ISX: variants seen among roughly 807,000 people sequenced by gnomAD.
ISX encodes the protein intestine specific homeobox.
A neutral mutation model predicts 16.9 loss-of-function variants in ISX; 15 were observed. That is an observed-to-expected ratio of 0.89 (90% CI 0.59 to 1.36). ISX has a LOEUF of 1.36. Among genes scored for constraint, ISX ranks in the 40% most tolerant of loss-of-function variants. The pLI is 0.00. For missense variants in ISX, 316 were observed against 306.1 expected (o/e 1.03, Z -0.24); for synonymous variants, 125 against 119.7 (o/e 1.04, Z -0.29).
intron 4 of ISX, 123 bp downstream of exon 4, chr22:35,084,622 A>G (rs1601562427): frequency 5.0e-6 from 3 of 602,568 alleles, no homozygotes; most frequent in Non-Finnish European, 8.6e-6. Context: ...AAGGAAAATT[A>G]TATTAGAAAC....
At chr22:35,078,433 C>A (rs191890929) in intron 2 of ISX, among the ~76,000 whole-genome samples, 2 of 151,902 alleles carry the variant, frequency 1.3e-5, no homozygotes, top group Admixed American at 6.6e-5. Flanking sequence ...TTAAACACAA[C>A]ACCAGCTCTA....
In ISX at chr22:35,086,085, C is replaced by T; in HGVS notation, c.*392C>T. ...CTGGATAAGATGATTTCTGAAGACG[C>T]TTCCATGGTGGGCACTGAGGCACAG... On this transcript the variant is annotated 3_prime_UTR_variant, in exon 5 of 5. Coordinates refer to ENST00000404699, the MANE Select transcript of ISX (RefSeq NM_001303508.2). The T allele has an allele frequency of 3.3e-6, 1 of 302,652 alleles. No homozygotes were observed. Among genetic ancestry groups the T allele is most frequent in the Non-Finnish European group, 6.4e-6 (1 of 156,700 alleles). 18.7% of individuals were successfully genotyped at this position (302,652 alleles called of 1,614,324 possible).
chr22:35,067,769 A>G (rs755412560), intron 2 of ISX, among the ~76,000 whole-genome samples: 4 of 152,146 alleles, frequency 2.6e-5, no homozygotes, highest in Non-Finnish European at 4.4e-5. Flanking sequence ...GACTCCCCCA[A>G]ATCCCTGCTG....
chr22:35,085,403 G>A (rs370880178), intron 4 of ISX, 51 bp from the exon 5 acceptor site: 5 of 1,608,694 alleles, frequency 3.1e-6, no homozygotes, highest in Non-Finnish European at 4.3e-6. Flanking sequence ...CTGAGAAGCT[G>A]CAGAGACAGC....
rs1929266584 is a variant in ISX at position 35,086,799 on chromosome 22, G to A, written c.*1106G>A. 6.6e-6 allele frequency: 1 copy of A among 152,224 alleles called. No individual in the cohort carries two copies. 9.4% of individuals were successfully genotyped at this position (152,224 alleles called of 1,614,324 possible). A position where few individuals can be genotyped will look rare whatever the true frequency, so the allele number is the denominator to read the frequency against. ...AGGATGAGTAGTTCCTGTTCTCAGG[G>A]AGGTCATCCGCTGAGCATCCCTTCT... On this transcript the variant is annotated 3_prime_UTR_variant, in exon 5 of 5. Coordinates refer to ENST00000404699, the MANE Select transcript of ISX (RefSeq NM_001303508.2).
chr22:35,082,921 C>T (rs1601561568), intron 3 of ISX, among the ~76,000 whole-genome samples: 1 of 152,290 alleles, frequency 6.6e-6, no homozygotes, highest in South Asian at 2.1e-4. Context: ...TGCTCCATAC[C>T]CTTCCTCCCC....
intron 2 of ISX, among the ~76,000 whole-genome samples, chr22:35,070,276 C>G (rs1488381403): frequency 6.6e-6 from 1 of 152,198 alleles, no homozygotes; most frequent in Non-Finnish European, 1.5e-5. Context: ...TCCAAGAGGA[C>G]TTCTTTATCT....
Position 35,082,579 on chromosome 22 carries a change from G to A in ISX, c.291G>A (p.Leu97=). The change falls in exon 3 of 5, where the codon CTG becomes CTA. Residue 97 remains leucine, a synonymous_variant. Transcript: ENST00000404699. ...TTFTTEQLHE[L]EKIFHFTHYP... ...TCACCACTGAGCAGCTGCATGAGCT[G>A]GAGAAGATCTTCCACTTTACCCACT... is the stretch of plus-strand genomic sequence containing the variant. 1.2e-6 allele frequency: 2 copies of A among 1,614,198 alleles called. No individual in the cohort carries two copies. Among genetic ancestry groups the A allele is most frequent in the Non-Finnish European group, 1.7e-6 (2 of 1,180,022 alleles).
intron 3 of ISX, among the ~76,000 whole-genome samples, chr22:35,083,034 G>T (rs1259346033): frequency 6.6e-6 from 1 of 152,222 alleles, no homozygotes; most frequent in Non-Finnish European, 1.5e-5. Flanking sequence ...GAGCCAGATG[G>T]TAATGATATT....
At chr22:35,076,023 T>C (rs1379911840) in intron 2 of ISX, among the ~76,000 whole-genome samples, 2 of 151,996 alleles carry the variant, frequency 1.3e-5, no homozygotes, top group Admixed American at 6.6e-5. Flanking sequence ...GATTGACTCA[T>C]AGAGACTCAT....
Position 35,085,682 on chromosome 22 carries a change from A to G in ISX, c.727A>G (p.Thr243Ala), listed in dbSNP as rs778509922. The G allele has an allele frequency of 2.8e-5, 46 of 1,614,104 alleles. No homozygotes were observed. The South Asian group carries it at 4.4e-4, about 15-fold the overall frequency. ...PHPKWGSICA[T>A]ST ...CCCCAAATGGGGCAGCATCTGTGCTACTTCAACATAGAGATTGGACATGCT... is the reference window on the plus strand; with the variant it reads ...CCCCAAATGGGGCAGCATCTGTGCTGCTTCAACATAGAGATTGGACATGCT... The change falls in exon 5 of 5, where the codon ACT becomes GCT. Residue 243 changes from threonine to alanine, a missense_variant. Transcript: ENST00000404699.
chr22:35,066,576 G>A (rs1928703940), intron 1 of ISX, 114 bp downstream of exon 1: 2 of 161,004 alleles, frequency 1.2e-5, no homozygotes, highest in South Asian at 1.7e-4. Context: ...GAGGCCAAGG[G>A]TGGCACTCCA....
intron 2 of ISX, 70 bp from the exon 3 acceptor site, chr22:35,082,448 G>A: frequency 1.3e-6 from 2 of 1,503,572 alleles, no homozygotes; most frequent in African/African-American, 1.4e-5. Flanking sequence ...GTAGGACAAG[G>A]CAACACAAAA....
At chr22:35,070,958 TG>T (rs1928836581) in intron 2 of ISX, among the ~76,000 whole-genome samples, 1 of 152,348 alleles carries the variant, frequency 6.6e-6, no homozygotes, top group East Asian at 1.9e-4. Flanking sequence ...TGTAAATAAA[TG>T]GGTAGGCTTA....
At position 35,085,818 on chromosome 22, in the gene ISX, T is replaced by C; in HGVS notation, c.*125T>C. On this transcript the variant is annotated 3_prime_UTR_variant, in exon 5 of 5. Transcript: ENST00000404699. ...AAAAATGGCCCACAGCCCAGGAAGCTACCCTGAACATGCCAGTTGGAAGGC... is the reference window on the plus strand; with the variant it reads ...AAAAATGGCCCACAGCCCAGGAAGCCACCCTGAACATGCCAGTTGGAAGGC... 2 of 1,228,600 alleles carry C rather than the reference T, an allele frequency of 1.6e-6. No individual in the cohort carries two copies. Among genetic ancestry groups the C allele is most frequent in the Non-Finnish European group, 2.3e-6 (2 of 860,828 alleles). 76.1% of individuals were successfully genotyped at this position (1,228,600 alleles called of 1,614,324 possible). A position where few individuals can be genotyped will look rare whatever the true frequency, so the allele number is the denominator to read the frequency against.
rs566368983 is a variant in ISX at position 35,079,697 on chromosome 22, C to T, written c.230-2821C>T. ...TTCTTACAAGGAATGTGGAAAAAATCAGGAGAGGCAAGGTGTTAGCTAGAA... is the reference window on the plus strand; with the variant it reads ...TTCTTACAAGGAATGTGGAAAAAATTAGGAGAGGCAAGGTGTTAGCTAGAA... On this transcript the variant is annotated intron_variant, in intron 2 of 4. Coordinates refer to ENST00000404699, the MANE Select transcript of ISX (RefSeq NM_001303508.2). Among the ~76,000 whole-genome samples the T allele has an allele frequency of 2.2e-4, 34 of 152,264 alleles. No homozygotes were observed. The South Asian group carries it at 3.1e-3, about 14-fold the overall frequency.
rs761655546 is a variant in ISX at position 35,086,083 on chromosome 22, C to T, written c.*390C>T. 16 of 303,186 alleles carry T rather than the reference C, an allele frequency of 5.3e-5. No individual in the cohort carries two copies. The highest frequency in any genetic ancestry group is 1.7e-4 in the East Asian group (2 of 11,844). The allele number at this position is 303,186 out of a possible 1,614,324, so 18.8% of individuals were successfully genotyped here. A position where few individuals can be genotyped will look rare whatever the true frequency, so the allele number is the denominator to read the frequency against. On this transcript the variant is annotated 3_prime_UTR_variant, in exon 5 of 5. Transcript: ENST00000404699. ...AGCTGGATAAGATGATTTCTGAAGA[C>T]GCTTCCATGGTGGGCACTGAGGCAC...
At chr22:35,074,399 G>T (rs546216021) in intron 2 of ISX, among the ~76,000 whole-genome samples, 7 of 152,242 alleles carry the variant, frequency 4.6e-5, no homozygotes, top group African/African-American at 1.7e-4. Context: ...CTGGGATGAT[G>T]GTTCCTTATT....
chr22:35,084,546 G>C, intron 4 of ISX, 47 bp downstream of exon 4: 5 of 1,315,034 alleles, frequency 3.8e-6, no homozygotes, highest in Non-Finnish European at 5.4e-6. Context: ...CCATTGTCTG[G>C]AAATATCCCA....
Sources: gnomAD v4.1 joint callset for allele counts (sites outside exome capture counted in the v4.1 genomes callset) on GRCh38, gnomAD v4.1.1 for gene constraint, MANE v1.5 for transcripts, NCBI Gene and HGNC (gene_info 2026-07-23, HGNC 2026-07-21) for gene names.